The following NCOA2 variants were observed in gnomAD, a reference collection of about 807,000 sequenced individuals.
NCOA2 encodes class E basic helix-loop-helix protein 75.
NCOA2 carries 21 observed loss-of-function variants against 145.1 expected under a neutral mutation model. The ratio of observed to expected loss-of-function variants is 0.14; its 90% CI spans 0.10 to 0.21. The LOEUF is 0.21. Ranked by LOEUF, NCOA2 falls within the 10% of genes least tolerant of loss-of-function variation. The pLI, the probability that NCOA2 is intolerant of heterozygous loss-of-function variation, is 1.00. For missense variants in NCOA2, 1,472 were observed against 1,837.6 expected (o/e 0.80, Z 3.64); for synonymous variants, 619 against 637.5 (o/e 0.97, Z 0.44).
chr8:70,154,134 G>A (rs1812044974), intron 11 of NCOA2, among the ~76,000 whole-genome samples: 2 of 152,094 alleles, frequency 1.3e-5, no homozygotes, highest in African/African-American at 4.8e-5. Flanking sequence ...TACAGCAAGG[G>A]GTGTGCTTTT....
intron 4 of NCOA2, among the ~76,000 whole-genome samples, chr8:70,200,833 G>A (rs1047947060): frequency 1.3e-5 from 2 of 151,950 alleles, no homozygotes; most frequent in African/African-American, 4.8e-5. Context: ...CGAGGTGGGA[G>A]GACTGCTTCA....
At chr8:70,235,738 G>A (rs544444700) in intron 2 of NCOA2, among the ~76,000 whole-genome samples, 20 of 152,266 alleles carry the variant, frequency 1.3e-4, no homozygotes, top group African/African-American at 4.3e-4. Context: ...CAGCTACTCG[G>A]GAGGCTGAGG....
At chr8:70,403,913 G>A, upstream of NCOA2, 1 of 373,572 alleles carries the variant, frequency 2.7e-6, no homozygotes, top group Non-Finnish European at 4.8e-6. Context: ...CAGACAGCGC[G>A]AGCTCGCGAG....
chr8:70,436,861 C>T, the NCOA2 span, among the ~76,000 whole-genome samples: 3 of 152,282 alleles, frequency 2.0e-5, no homozygotes, highest in South Asian at 6.2e-4. Context: ...TTATCTGAAG[C>T]ATAGAGGAGG....
chr8:70,399,696 G>C (rs1346905543), intron 1 of NCOA2, among the ~76,000 whole-genome samples: 1 of 152,144 alleles, frequency 6.6e-6, no homozygotes, highest in Non-Finnish European at 1.5e-5. Flanking sequence ...ATATAACTTC[G>C]ATCATGACAC....
chr8:70,288,392 A>C (rs532095961), intron 2 of NCOA2, among the ~76,000 whole-genome samples: 2 of 152,186 alleles, frequency 1.3e-5, no homozygotes, highest in Non-Finnish European at 2.9e-5. Flanking sequence ...CAGCCTGGCC[A>C]AATGGCGAAA....
upstream of NCOA2, among the ~76,000 whole-genome samples, chr8:70,404,423 G>T (rs540021572): frequency 6.6e-6 from 1 of 152,240 alleles, no homozygotes; most frequent in South Asian, 2.1e-4. Context: ...GCGCCCGTCC[G>T]GCCGGACCCT....
chr8:70,351,927 C>A (rs1809285048), intron 1 of NCOA2, among the ~76,000 whole-genome samples: 1 of 151,862 alleles, frequency 6.6e-6, no homozygotes, highest in African/African-American at 2.4e-5. Flanking sequence ...CTGGTTTTGG[C>A]TCATTTAATT....
chr8:70,285,017 T>C (rs1237019398), intron 2 of NCOA2, among the ~76,000 whole-genome samples: 5 of 152,158 alleles, frequency 3.3e-5, no homozygotes, highest in African/African-American at 9.7e-5. Context: ...CTTTACATTA[T>C]ATGCTCAATA....
At chr8:70,172,328 G>T (rs967238501) in intron 5 of NCOA2, among the ~76,000 whole-genome samples, 1 of 152,162 alleles carries the variant, frequency 6.6e-6, no homozygotes, top group South Asian at 2.1e-4. Context: ...GGTGGATGGG[G>T]CCTGAAGTGT....
rs745936271 is a variant in NCOA2, at chr8:70,300,281, G to C, written c.-76-3481C>G. ...CTGAAACTCCTGCTACTTAAAATGGGTGCATTTTATGGTCTGCAAATTATA... is the reference window on the plus strand; with the variant it reads ...CTGAAACTCCTGCTACTTAAAATGGCTGCATTTTATGGTCTGCAAATTATA... On this transcript the variant is annotated intron_variant, in intron 1 of 22. Transcript: ENST00000452400. Among the ~76,000 whole-genome samples, 13 of 152,186 alleles carry C rather than the reference G, an allele frequency of 8.5e-5. No individual in the cohort carries two copies. The South Asian group carries it at 2.1e-3, about 24-fold the overall frequency.
At chr8:70,114,407 T>C (rs910162996) in intron 22 of NCOA2, among the ~76,000 whole-genome samples, 3 of 152,196 alleles carry the variant, frequency 2.0e-5, no homozygotes, top group African/African-American at 7.2e-5. Flanking sequence ...AGTGAGCAAA[T>C]TATGTGGCGT....
chr8:70,177,091 G>A (rs145831689), intron 4 of NCOA2, among the ~76,000 whole-genome samples: 33 of 152,208 alleles, frequency 2.2e-4, no homozygotes, highest in African/African-American at 6.7e-4. Flanking sequence ...CCTTTCCTTC[G>A]CCTAACTATT....
chr8:70,225,239 T>G (rs373975136), intron 2 of NCOA2, among the ~76,000 whole-genome samples: 1 of 151,672 alleles, frequency 6.6e-6, no homozygotes, highest in Non-Finnish European at 1.5e-5. Flanking sequence ...CATCAGATAG[T>G]GATTAGAGGT....
intron 13 of NCOA2, among the ~76,000 whole-genome samples, chr8:70,142,465 G>C (rs1430454210): frequency 6.6e-6 from 1 of 152,172 alleles, no homozygotes; most frequent in Non-Finnish European, 1.5e-5. Context: ...TAGGGAGGCT[G>C]CGGTGGGCAG....
At chr8:70,333,911 C>T (rs977261403) in intron 1 of NCOA2, among the ~76,000 whole-genome samples, 14 of 152,116 alleles carry the variant, frequency 9.2e-5, no homozygotes, top group African/African-American at 2.9e-4. Context: ...TCCCTCCTTC[C>T]TTCCTTCCAC....
chr8:70,264,766 G>T (rs980358233), intron 2 of NCOA2, among the ~76,000 whole-genome samples: 26 of 151,974 alleles, frequency 1.7e-4, no homozygotes, highest in Admixed American at 1.6e-3. Context: ...CTGATAAATT[G>T]TATATGTTCA....
rs991149909 is a variant in NCOA2, at chr8:70,111,662, C to T, written c.*1970G>A. The T allele has an allele frequency of 1.2e-4, 26 of 216,038 alleles. No individual in the cohort carries two copies. The highest frequency in any genetic ancestry group is 5.9e-4 in the African/African-American group (26 of 44,392). 13.4% of individuals were successfully genotyped at this position (216,038 alleles called of 1,614,324 possible). Reference sequence around the variant, plus strand: ...AGAAAGGTTCTTTAGTATGGAGCAACATTTTCAGACTGTCTACTTACCATC... The same window carrying T: ...AGAAAGGTTCTTTAGTATGGAGCAATATTTTCAGACTGTCTACTTACCATC... On this transcript the variant is annotated 3_prime_UTR_variant, in exon 23 of 23. Coordinates refer to ENST00000452400, the MANE Select transcript of NCOA2 (RefSeq NM_006540.4).
intron 4 of NCOA2, among the ~76,000 whole-genome samples, chr8:70,197,202 C>G (rs532194817): frequency 7.9e-4 from 120 of 152,316 alleles, no homozygotes; most frequent in Non-Finnish European, 7.4e-4. Flanking sequence ...TCAATATACT[C>G]CCGGAGATCA....
Sources: allele counts gnomAD v4.1 joint callset (sites outside exome capture counted in the v4.1 genomes callset), GRCh38; gene constraint gnomAD v4.1.1; transcripts MANE v1.5; gene names NCBI Gene and HGNC (gene_info 2026-07-23, HGNC 2026-07-21).